The following PHF20 variants were observed in gnomAD, a reference collection of about 807,000 sequenced individuals.
PHF20 encodes PHD finger protein 20.
Under a neutral mutation model 113.5 loss-of-function variants are expected in PHF20, and 23 were observed. That is an observed-to-expected ratio of 0.20 (90% CI 0.15 to 0.29). The LOEUF is 0.29. Among genes scored for constraint, PHF20 ranks in the 10% least tolerant of loss-of-function variants. PHF20 has a pLI of 1.00. For synonymous variants in PHF20, 434 were observed against 457.3 expected (o/e 0.95, Z 0.65); for missense variants, 943 against 1,219.6 (o/e 0.77, Z 3.38).
intron 13 of PHF20, among the ~76,000 whole-genome samples, chr20:35,924,868 G>A (rs537699199): frequency 2.0e-5 from 3 of 150,928 alleles, no homozygotes; most frequent in South Asian, 2.1e-4. Flanking sequence ...CCCAAAGTGC[G>A]GGGATTATAG....
chr20:35,850,222 G>T (rs1258952300), intron 4 of PHF20, among the ~76,000 whole-genome samples: 1 of 150,874 alleles, frequency 6.6e-6, no homozygotes, highest in Non-Finnish European at 1.5e-5. Context: ...CTACTTTCAG[G>T]GAATCTTTGT....
At chr20:35,816,428 A>G (rs893692624) in intron 2 of PHF20, among the ~76,000 whole-genome samples, 10 of 151,640 alleles carry the variant, frequency 6.6e-5, no homozygotes, top group African/African-American at 1.2e-4. Flanking sequence ...ATTATATTTG[A>G]TTTATGTCAT....
At chr20:35,871,382 C>T (rs899197820) in intron 8 of PHF20, among the ~76,000 whole-genome samples, 9 of 152,168 alleles carry the variant, frequency 5.9e-5, no homozygotes, top group African/African-American at 2.2e-4. Flanking sequence ...GTACACTGTT[C>T]GAAGAGCCCT....
intron 9 of PHF20, among the ~76,000 whole-genome samples, chr20:35,889,247 T>C (rs7266028): frequency 0.28 from 42,978 of 151,900 alleles, 7,149 homozygotes; most frequent in African/African-American, 0.47. Flanking sequence ...AACTCCTGAC[T>C]TTGTGATTCG....
intron 2 of PHF20, among the ~76,000 whole-genome samples, chr20:35,817,246 G>A (rs775554089): frequency 1.3e-5 from 2 of 151,616 alleles, no homozygotes; most frequent in Non-Finnish European, 2.9e-5. Context: ...GAGTGCAATG[G>A]CGTGATCTCA....
intron 2 of PHF20, among the ~76,000 whole-genome samples, chr20:35,828,463 A>G (rs1412465686): frequency 1.3e-5 from 2 of 152,154 alleles, no homozygotes; most frequent in Admixed American, 6.6e-5. Flanking sequence ...ATAGGGGGGA[A>G]CAAAACAGAT....
Position 35,947,730 on chromosome 20 carries a change from C to A in PHF20, c.*103C>A. ...CCTAGCATGCTGAATGCACGTGACA[C>A]CGACTGACTTCAGGGATCTGGGCCA... On this transcript the variant is annotated 3_prime_UTR_variant, in exon 18 of 18. Coordinates refer to ENST00000374012, the MANE Select transcript of PHF20 (RefSeq NM_016436.5). 1 of 1,220,632 alleles carries A rather than the reference C, an allele frequency of 8.2e-7. No homozygotes were observed. The highest frequency in any genetic ancestry group is 1.2e-6 in the Non-Finnish European group (1 of 868,002). 75.6% of individuals were successfully genotyped at this position (1,220,632 alleles called of 1,614,324 possible).
chr20:35,896,949 T>A lies in PHF20; in HGVS notation c.1283-2421T>A, dbSNP rs184617882. The stretch of plus-strand genomic sequence containing the variant: ...CATTGAGTCCTATGAGTCCTCCTTA[T>A]GCCTTCCACCTCCATTTAGTTAGCT... On this transcript the variant is annotated intron_variant, in intron 9 of 17. Transcript: ENST00000374012. Among the ~76,000 whole-genome samples the A allele has an allele frequency of 3.1e-4, 47 of 152,304 alleles. 1 individual carries two copies. The highest frequency in any genetic ancestry group is 4.6e-4 in the African/African-American group (19 of 41,582).
chr20:35,904,948 C>T (rs2055176719), intron 10 of PHF20, among the ~76,000 whole-genome samples: 2 of 152,074 alleles, frequency 1.3e-5, no homozygotes, highest in African/African-American at 2.4e-5. Context: ...GCCTCAGCCT[C>T]CCGAGTAGCT....
intron 1 of PHF20, among the ~76,000 whole-genome samples, chr20:35,776,476 A>G (rs1391775236): frequency 6.6e-6 from 1 of 152,218 alleles, no homozygotes; most frequent in Non-Finnish European, 1.5e-5. Flanking sequence ...TTGTACCCAC[A>G]TGTCTAATCT....
chr20:35,835,790 C>T (rs1204345834), intron 2 of PHF20, among the ~76,000 whole-genome samples: 15 of 151,770 alleles, frequency 9.9e-5, no homozygotes, highest in Admixed American at 4.6e-4. Context: ...ATTAGCCAGG[C>T]GTGGTGGCGT....
intron 2 of PHF20, among the ~76,000 whole-genome samples, chr20:35,823,587 G>T (rs1284027904): frequency 7.2e-6 from 1 of 138,274 alleles, no homozygotes; most frequent in African/African-American, 2.8e-5. Flanking sequence ...TGATTGTACC[G>T]CTGCACTCCA....
At position 35,822,436 on chromosome 20, in the gene PHF20, GA is replaced by G. The variant is rs548228328; in HGVS notation, c.84-20130del. Among the ~76,000 whole-genome samples, 879 of 150,044 alleles carry G rather than the reference GA, an allele frequency of 5.9e-3. 8 individuals carry two copies. Among genetic ancestry groups the G allele is most frequent in the African/African-American group, 0.02 (823 of 40,848 alleles). ...CAAGACCCTGTTTCAAAAAAAAAAA[GA>G]AAAAAAGTAAAGGAATTTGGGAGTT... On this transcript the variant is annotated intron_variant, in intron 2 of 17. Transcript: ENST00000374012.
chr20:35,946,662 T>TTTTATTTTATTTTATTTTA (rs2056089194), intron 17 of PHF20, among the ~76,000 whole-genome samples: 3 of 144,654 alleles, frequency 2.1e-5, no homozygotes, highest in African/African-American at 7.8e-5. Flanking sequence ...TTTTATTTTA[T>TTTTATTTTATTTTATTTTA]TTTATTTTAT....
intron 1 of PHF20, among the ~76,000 whole-genome samples, chr20:35,785,011 G>A (rs965949847): frequency 3.6e-4 from 55 of 151,290 alleles, no homozygotes; most frequent in African/African-American, 1.3e-3. Flanking sequence ...GGATCATGCC[G>A]CTTCACTCCA....
At chr20:35,913,115 TCC>T in intron 10 of PHF20, 132 bp from the exon 11 acceptor site, 2 of 424,042 alleles carry the variant, frequency 4.7e-6, no homozygotes, top group South Asian at 1.9e-5. Flanking sequence ...TGGCTCTGCC[TCC>T]AGACTGGAGC....
At chr20:35,833,796 A>G (rs1008855431) in intron 2 of PHF20, among the ~76,000 whole-genome samples, 12 of 152,198 alleles carry the variant, frequency 7.9e-5, no homozygotes, top group Admixed American at 2.0e-4. Flanking sequence ...ACAGCGGTTC[A>G]TGCCTGTAAT....
At chr20:35,785,563 T>A (rs1007313870) in intron 1 of PHF20, among the ~76,000 whole-genome samples, 3 of 151,498 alleles carry the variant, frequency 2.0e-5, no homozygotes, top group Non-Finnish European at 4.4e-5. Flanking sequence ...CAGGTGATCC[T>A]CCCGCCTCAG....
At chr20:35,843,521 CAAAA>C (rs766671833) in intron 3 of PHF20, among the ~76,000 whole-genome samples, 4 of 53,178 alleles carry the variant, frequency 7.5e-5, no homozygotes, top group Admixed American at 2.0e-4. Context: ...TATTCCATCT[CAAAA>C]AAAAAAAAAA....
Sources: gnomAD v4.1 joint callset for allele counts (sites outside exome capture counted in the v4.1 genomes callset) on GRCh38, gnomAD v4.1.1 for gene constraint, MANE v1.5 for transcripts, NCBI Gene and HGNC (gene_info 2026-07-23, HGNC 2026-07-21) for gene names.